Variants in SV2B observed in about 807,000 individuals in gnomAD.
SV2B encodes synaptic vesicle glycoprotein 2B, also known as solute carrier family 22 member B2.
In SV2B, 41 loss-of-function variants were observed where a neutral mutation model predicts 73.9. That is an observed-to-expected ratio of 0.56 (90% CI 0.43 to 0.72). The LOEUF (loss-of-function observed/expected upper bound fraction) is 0.72. Among genes scored for constraint, SV2B ranks in the 30% least tolerant of loss-of-function variants. SV2B has a pLI of 0.00. For synonymous variants in SV2B, 314 were observed against 314.2 expected (o/e 1.00, Z 0.01); for missense variants, 764 against 857.8 (o/e 0.89, Z 1.37).
intron 1 of SV2B, among the ~76,000 whole-genome samples, chr15:91,116,325 G>C (rs1203535566): frequency 6.6e-6 from 1 of 152,158 alleles, no homozygotes; most frequent in Non-Finnish European, 1.5e-5. Context: ...ACCCCTGGCT[G>C]CTTTGCTGTT....
rs1477474865 is a variant in SV2B, at chr15:91,293,502, C to T, written c.*950C>T. 1.3e-5 allele frequency: 2 copies of T among 152,210 alleles called. No homozygotes were observed. The highest frequency in any genetic ancestry group is 2.9e-5 in the Non-Finnish European group (2 of 68,038). The allele number at this position is 152,210 out of a possible 1,614,324, so 9.4% of individuals were successfully genotyped here. Reference sequence around the variant, plus strand: ...GTGCAGGTGTAGTGAGTAGTTACTTCTCTCCCTTACACAGATGACTTGTGA... The same window carrying T: ...GTGCAGGTGTAGTGAGTAGTTACTTTTCTCCCTTACACAGATGACTTGTGA... On this transcript the variant is annotated 3_prime_UTR_variant, in exon 13 of 13. Transcript: ENST00000394232.
intron 1 of SV2B, among the ~76,000 whole-genome samples, chr15:91,176,576 C>T (rs28868945): frequency 0.37 from 55,523 of 151,700 alleles, 11,411 homozygotes; most frequent in African/African-American, 0.52. Flanking sequence ...TTTTAATGAT[C>T]GCCATTGTAA....
At chr15:91,143,955 T>C (rs2043072652) in intron 1 of SV2B, among the ~76,000 whole-genome samples, 1 of 152,202 alleles carries the variant, frequency 6.6e-6, no homozygotes, top group Non-Finnish European at 1.5e-5. Flanking sequence ...GAGAGTCTTA[T>C]AGCCTTTAAG....
intron 12 of SV2B, among the ~76,000 whole-genome samples, chr15:91,291,823 G>T (rs531515246): frequency 6.6e-6 from 1 of 152,276 alleles, no homozygotes; most frequent in African/African-American, 2.4e-5. Flanking sequence ...CGTCTCTTAC[G>T]GAAGCTTCTT....
In SV2B at chr15:91,226,111, G is replaced by T; in HGVS notation, c.-153G>T. On this transcript the variant is annotated 5_prime_UTR_variant, in exon 2 of 13. Coordinates refer to ENST00000394232, the MANE Select transcript of SV2B (RefSeq NM_001323032.3). ...TGGTTGATTTGAGAGATAAAGGGGG[G>T]GGGAACCAGTGTGACTTTCACCTAA... The T allele has an allele frequency of 4.2e-6, 3 of 710,912 alleles. No homozygotes were observed. The highest frequency in any genetic ancestry group is 2.3e-6 in the Non-Finnish European group (1 of 437,250). The allele number at this position is 710,912 out of a possible 1,614,324, so 44.0% of individuals were successfully genotyped here.
At chr15:91,248,116 T>G (rs2141596401) in intron 2 of SV2B, among the ~76,000 whole-genome samples, 1 of 152,140 alleles carries the variant, frequency 6.6e-6, no homozygotes, top group Admixed American at 6.5e-5. Flanking sequence ...GGTCAGGAGA[T>G]CAAGACCATC....
chr15:91,241,025 C>CT lies in SV2B; in HGVS notation c.452-10793dup, dbSNP rs1459743649. Among the ~76,000 whole-genome samples, 2 of 152,220 alleles carry CT rather than the reference C, an allele frequency of 1.3e-5. No individual in the cohort carries two copies. Among genetic ancestry groups the CT allele is most frequent in the Non-Finnish European group, 2.9e-5 (2 of 68,040 alleles). On this transcript the variant is annotated intron_variant, in intron 2 of 12. Transcript: ENST00000394232. This position sits in a 1 kb window ranked among gnomAD's most constrained non-coding sequence, Gnocchi z 4.8. ...CATTCTTGTTGCAGTCATCCACTGA[C>CT]TGGGCCATGTGCTCTCATTCCTGGA... is the stretch of plus-strand genomic sequence containing the variant.
chr15:91,213,650 C>A (rs888578447), intron 1 of SV2B, among the ~76,000 whole-genome samples: 10 of 152,078 alleles, frequency 6.6e-5, no homozygotes, highest in African/African-American at 2.4e-4. Context: ...TATACCACCT[C>A]CTGTACTCCT....
Position 91,140,054 on chromosome 15 carries a change from C to T in SV2B, c.-392+39691C>T, listed in dbSNP as rs2042955681. Among the ~76,000 whole-genome samples, 1 of 152,194 alleles carries T rather than the reference C, an allele frequency of 6.6e-6. No homozygotes were observed. The highest frequency in any genetic ancestry group is 2.4e-5 in the African/African-American group (1 of 41,448). ...TGGGAGCTTGCTAGAAATGCAGGCT[C>T]TTGGGTCCTGACCCAGACATAATAA... On this transcript the variant is annotated intron_variant, in intron 1 of 12. Coordinates refer to ENST00000394232, the MANE Select transcript of SV2B (RefSeq NM_001323032.3). The surrounding 1 kb of genome is among the most constrained non-coding windows in gnomAD (Gnocchi z 4.4).
At position 91,229,040 on chromosome 15, in the gene SV2B, A is replaced by G. The variant is rs902972745; in HGVS notation, c.451+2326A>G. 1.3e-5 allele frequency among the ~76,000 whole-genome samples: 2 copies of G among 152,230 alleles called. No individual in the cohort carries two copies. Among genetic ancestry groups the G allele is most frequent in the African/African-American group, 4.8e-5 (2 of 41,464 alleles). The stretch of plus-strand genomic sequence containing the variant: ...TGACCGAAGGTCTATTTGACTTCAA[A>G]GTCTATGCCCATTCTGCCACACCAT... On this transcript the variant is annotated intron_variant, in intron 2 of 12. Coordinates refer to ENST00000394232, the MANE Select transcript of SV2B (RefSeq NM_001323032.3). The surrounding 1 kb of genome is among the most constrained non-coding windows in gnomAD (Gnocchi z 4.3).
rs1567270301 is a variant in SV2B, at chr15:91,123,612, A to C, written c.-392+23249A>C. On this transcript the variant is annotated intron_variant, in intron 1 of 12. Coordinates refer to ENST00000394232, the MANE Select transcript of SV2B (RefSeq NM_001323032.3). The surrounding 1 kb of genome is among the most constrained non-coding windows in gnomAD (Gnocchi z 4.7). ...CTGTGCATACTGTGTGACTTATGGC[A>C]CACAAATGGGGAGGTGTGCCTGAGG... 1.3e-5 allele frequency among the ~76,000 whole-genome samples: 2 copies of C among 152,132 alleles called. No individual in the cohort carries two copies. The highest frequency in any genetic ancestry group is 6.5e-5 in the Admixed American group (1 of 15,270).
At chr15:91,213,751 AC>A (rs1309452938) in intron 1 of SV2B, among the ~76,000 whole-genome samples, 1 of 152,228 alleles carries the variant, frequency 6.6e-6, no homozygotes, top group East Asian at 1.9e-4. Context: ...ATATAGGGTT[AC>A]TATAAAAAAA....
intron 2 of SV2B, among the ~76,000 whole-genome samples, chr15:91,250,561 G>A (rs1439218043): frequency 1.3e-5 from 2 of 152,040 alleles, no homozygotes; most frequent in Non-Finnish European, 2.9e-5. Flanking sequence ...CTTATACATA[G>A]AAAACCCTAA....
In SV2B at chr15:91,296,105, C is replaced by T. The variant is rs1236519676; in HGVS notation, c.*3553C>T. On this transcript the variant is annotated 3_prime_UTR_variant, in exon 13 of 13. Transcript: ENST00000394232. ...CAGGTAAGGGAAATGATGCCCTTGCCCATTTTCTACAGACCTAATCGATTT... is the reference window on the plus strand; with the variant it reads ...CAGGTAAGGGAAATGATGCCCTTGCTCATTTTCTACAGACCTAATCGATTT... 1 of 151,994 alleles carries T rather than the reference C, an allele frequency of 6.6e-6. No homozygotes were observed. The allele number at this position is 151,994 out of a possible 1,614,324, so 9.4% of individuals were successfully genotyped here.
chr15:91,154,387 G>T (rs1245413580), intron 1 of SV2B, among the ~76,000 whole-genome samples: 1 of 151,994 alleles, frequency 6.6e-6, no homozygotes, highest in Non-Finnish European at 1.5e-5. Context: ...TAGGGTCAGG[G>T]GTCCAGGAGA....
chr15:91,201,704 T>A (rs752303718), intron 1 of SV2B, among the ~76,000 whole-genome samples: 2 of 152,218 alleles, frequency 1.3e-5, no homozygotes, highest in African/African-American at 4.8e-5. Flanking sequence ...CACCCTTGAC[T>A]TTTCCTTTGT....
At chr15:91,247,913 T>A (rs559334986) in intron 2 of SV2B, among the ~76,000 whole-genome samples, 1 of 152,336 alleles carries the variant, frequency 6.6e-6, no homozygotes, top group South Asian at 2.1e-4. Flanking sequence ...GATTGCAAAC[T>A]GGTAGGTTAG....
intron 9 of SV2B, among the ~76,000 whole-genome samples, chr15:91,269,074 A>G (rs1014275474): frequency 2.0e-5 from 3 of 152,118 alleles, no homozygotes; most frequent in Middle Eastern, 3.4e-3. Flanking sequence ...GTTGATCAGT[A>G]TGGTCCACAG....
chr15:91,161,031 T>TA (rs1491020256), intron 1 of SV2B, among the ~76,000 whole-genome samples: 1 of 57,080 alleles, frequency 1.8e-5, no homozygotes, highest in African/African-American at 6.7e-5. Context: ...CCTCAAAACA[T>TA]ACGCTAAATG....
Sources: allele counts gnomAD v4.1 joint callset (sites outside exome capture counted in the v4.1 genomes callset), GRCh38; gene constraint gnomAD v4.1.1; non-coding constraint Gnocchi (gnomAD v3.1); transcripts MANE v1.5; gene names NCBI Gene and HGNC (gene_info 2026-07-23, HGNC 2026-07-21).